Variants in UTRN observed in about 807,000 individuals in gnomAD.
UTRN encodes dystrophin-related protein 1.
Under a neutral mutation model 463.9 loss-of-function variants are expected in UTRN, and 283 were observed. The ratio of observed to expected loss-of-function variants is 0.61; its 90% confidence interval spans 0.55 to 0.67. The LOEUF (loss-of-function observed/expected upper bound fraction) is 0.67. UTRN is among the 30% of genes least tolerant of loss of function. UTRN has a pLI of 0.00. For missense variants in UTRN, 3,922 were observed against 4,084.3 expected, an observed-to-expected ratio of 0.96 and a Z score of 1.08; for synonymous variants, 1,442 against 1,431.5, an observed-to-expected ratio of 1.01 and a Z score of -0.17.
chr6:144,548,632 C>A lies in UTRN; in HGVS notation c.6596-8C>A. On this transcript the variant is annotated splice_region_variant and splice_polypyrimidine_tract_variant and intron_variant, in intron 46 of 74. Coordinates refer to ENST00000367545, the MANE Select transcript of UTRN (RefSeq NM_007124.3). Reference sequence around the variant, plus strand: ...TTAATTTCTCTTTTGCTACATTTTTCATTTCAGCTCATCCTAATGTCCAAA... The same window carrying A: ...TTAATTTCTCTTTTGCTACATTTTTAATTTCAGCTCATCCTAATGTCCAAA... 1 of 1,608,650 alleles carries A rather than the reference C, an allele frequency of 6.2e-7. No individual in the cohort carries two copies. The highest frequency in any genetic ancestry group is 1.1e-5 in the South Asian group (1 of 90,414).
At chr6:144,703,616 G>A (rs536773823) in intron 53 of UTRN, among the ~76,000 whole-genome samples, 3 of 152,290 alleles carry the variant, frequency 2.0e-5, no homozygotes, top group South Asian at 2.1e-4. Flanking sequence ...TGCCAAAGGA[G>A]GAAAGTGTGT....
chr6:144,396,162 G>C (rs905088792), intron 2 of UTRN, among the ~76,000 whole-genome samples: 3 of 152,070 alleles, frequency 2.0e-5, no homozygotes, highest in African/African-American at 7.2e-5. Flanking sequence ...AGAAACTGTA[G>C]TTTATACACA....
chr6:144,429,658 G>A lies in UTRN; in HGVS notation c.772G>A (p.Val258Ile), dbSNP rs371953821. Residue 258 changes from valine to isoleucine, a missense_variant, in exon 9 of 75, where the codon GTC becomes ATC. Physicochemically the swap from Val to Ile is conservative, Grantham distance 29. Around this residue, in one of 3 missense-constraint regions of UTRN, gnomAD observed 264 missense variants for 327.9 expected, o/e 0.81. Coordinates refer to ENST00000367545, the MANE Select transcript of UTRN (RefSeq NM_007124.3). ...TTTGTTTGAGGTGCTACCTCAGCAA[G>A]TCACCATAGACGCCATCCGTGAGGT... The part of the protein sequence containing the change: ...TSLFEVLPQQ[V>I]TIDAIREVET... 10 of 1,612,934 alleles carry A rather than the reference G, an allele frequency of 6.2e-6. No individual in the cohort carries two copies. In the African/African-American group the frequency reaches 1.2e-4, roughly 19 times the overall value.
intron 13 of UTRN, among the ~76,000 whole-genome samples, chr6:144,441,600 A>G (rs1302478218): frequency 1.3e-5 from 2 of 152,128 alleles, no homozygotes; most frequent in Admixed American, 6.5e-5. Context: ...GCATAGTGCA[A>G]GCTGTCAGTG....
intron 54 of UTRN, among the ~76,000 whole-genome samples, chr6:144,731,203 A>C (rs1586264814): frequency 6.6e-6 from 1 of 152,050 alleles, no homozygotes; most frequent in Non-Finnish European, 1.5e-5. Context: ...GTTTAATTTA[A>C]AAATAACCTG....
intron 42 of UTRN, among the ~76,000 whole-genome samples, chr6:144,532,298 C>G (rs1797129297): frequency 6.6e-6 from 1 of 152,082 alleles, no homozygotes; most frequent in Non-Finnish European, 1.5e-5. Context: ...TAAAGACATA[C>G]CTGAGACTGG....
intron 2 of UTRN, among the ~76,000 whole-genome samples, chr6:144,341,749 T>A (rs988109869): frequency 6.6e-6 from 1 of 152,240 alleles, no homozygotes; most frequent in African/African-American, 2.4e-5. Context: ...ATGTCATATT[T>A]ACATTCAGAA....
At chr6:144,414,093 G>A (rs1784160688) in intron 3 of UTRN, among the ~76,000 whole-genome samples, 2 of 151,548 alleles carry the variant, frequency 1.3e-5, no homozygotes, top group African/African-American at 2.4e-5. Context: ...GAGCCACTGT[G>A]TCTGGTCCAT....
In UTRN at chr6:144,605,331, C is replaced by T. The variant is rs541639547; in HGVS notation, c.7479+28043C>T. Among the ~76,000 whole-genome samples, 7 of 152,106 alleles carry T rather than the reference C, an allele frequency of 4.6e-5. No individual in the cohort carries two copies. In the South Asian group the frequency reaches 1.5e-3, roughly 32 times the overall value. On this transcript the variant is annotated intron_variant, in intron 51 of 74. Transcript: ENST00000367545. ...GTTTGCTATACACAGAATCACAGCC[C>T]TGATATCCAGCATTGGCATATAATA... is the stretch of plus-strand genomic sequence containing the variant.
intron 51 of UTRN, among the ~76,000 whole-genome samples, chr6:144,676,436 C>T (rs1781594715): frequency 6.6e-6 from 1 of 151,990 alleles, no homozygotes; most frequent in Admixed American, 6.6e-5. Flanking sequence ...TTTCCCTCTC[C>T]CCTCTTTCTC....
At chr6:144,509,822 A>C (rs1455385459) in intron 34 of UTRN, among the ~76,000 whole-genome samples, 1 of 152,150 alleles carries the variant, frequency 6.6e-6, no homozygotes, top group Non-Finnish European at 1.5e-5. Flanking sequence ...TATGTGTACT[A>C]TTTAGATGTA....
At chr6:144,523,994 A>G (rs1218543754) in intron 41 of UTRN, among the ~76,000 whole-genome samples, 1 of 152,212 alleles carries the variant, frequency 6.6e-6, no homozygotes, top group Non-Finnish European at 1.5e-5. Flanking sequence ...GATGTGATGG[A>G]AAGGCAAATA....
At chr6:144,625,548 A>G (rs1390997778) in intron 51 of UTRN, among the ~76,000 whole-genome samples, 2 of 152,232 alleles carry the variant, frequency 1.3e-5, no homozygotes, top group African/African-American at 2.4e-5. Context: ...AATCACAACC[A>G]TTAGAATTCA....
chr6:144,332,681 A>G (rs953055792), intron 2 of UTRN, among the ~76,000 whole-genome samples: 1 of 152,148 alleles, frequency 6.6e-6, no homozygotes, highest in Non-Finnish European at 1.5e-5. Flanking sequence ...AAAATTGAAC[A>G]AAGAGTATCA....
intron 3 of UTRN, among the ~76,000 whole-genome samples, chr6:144,415,411 G>A (rs1302684356): frequency 6.6e-6 from 1 of 152,130 alleles, no homozygotes; most frequent in African/African-American, 2.4e-5. Flanking sequence ...GCCCAATTCT[G>A]CATCTGATTT....
intron 52 of UTRN, among the ~76,000 whole-genome samples, chr6:144,692,395 T>C (rs756885580): frequency 2.6e-5 from 4 of 152,230 alleles, no homozygotes; most frequent in South Asian, 2.1e-4. Flanking sequence ...TTATATTCCT[T>C]TGGGTATATA....
At chr6:144,751,284 CT>C (rs1791365326) in intron 55 of UTRN, among the ~76,000 whole-genome samples, 1 of 152,098 alleles carries the variant, frequency 6.6e-6, no homozygotes, top group African/African-American at 2.4e-5. Context: ...CCAGAGTAAA[CT>C]GCATATAATA....
chr6:144,367,150 A>AT (rs1562301085), intron 2 of UTRN, among the ~76,000 whole-genome samples: 1 of 151,870 alleles, frequency 6.6e-6, no homozygotes, highest in South Asian at 2.1e-4. Context: ...CACCCGGCTA[A>AT]TTTTTTGTAT....
chr6:144,552,328 T>C (rs185118896), intron 48 of UTRN, among the ~76,000 whole-genome samples: 5 of 152,318 alleles, frequency 3.3e-5, no homozygotes, highest in African/African-American at 1.2e-4. Context: ...CCTTCTTTTC[T>C]CTTTTTATGA....
Sources: gnomAD v4.1 joint callset for allele counts (sites outside exome capture counted in the v4.1 genomes callset) on GRCh38, gnomAD v4.1.1 for gene constraint, gnomAD v4.1.1 regional missense constraint, MANE v1.5 for transcripts, NCBI Gene and HGNC (gene_info 2026-07-23, HGNC 2026-07-21) for gene names.